MME: variants seen among roughly 807,000 people sequenced by gnomAD.
The protein encoded by MME is membrane metalloendopeptidase, also known as neprilysin.
A neutral mutation model predicts 113.2 loss-of-function variants in MME; 98 were observed. The observed-to-expected ratio is 0.87, with a 90% CI of 0.74 to 1.02. The LOEUF (loss-of-function observed/expected upper bound fraction) is 1.02. MME is among the 50% of genes least tolerant of loss of function. The pLI, the probability that MME is intolerant of heterozygous loss-of-function variation, is 0.00. For missense variants in MME, 836 were observed against 896.0 expected (o/e 0.93, Z 0.86); for synonymous variants, 292 against 300.6 (o/e 0.97, Z 0.30).
chr3:155,073,106 C>T (rs1463222848), intron 1 of MME, among the ~76,000 whole-genome samples: 2 of 152,168 alleles, frequency 1.3e-5, no homozygotes, highest in East Asian at 3.8e-4. Flanking sequence ...TGTGGAATAG[C>T]TTGGTCAATG....
At chr3:155,132,957 C>T (rs887378223) in intron 8 of MME, among the ~76,000 whole-genome samples, 4 of 145,932 alleles carry the variant, frequency 2.7e-5, no homozygotes, top group African/African-American at 7.6e-5. Context: ...AGGAGAATCA[C>T]TTGAACCCAG....
chr3:155,143,699 C>A, intron 13 of MME, 128 bp downstream of exon 13: 2 of 1,069,490 alleles, frequency 1.9e-6, no homozygotes, highest in Non-Finnish European at 1.4e-6. Flanking sequence ...ACCTCTGAAT[C>A]ATAATATGCC....
chr3:155,062,016 C>T (rs1714167015), intron 1 of MME, among the ~76,000 whole-genome samples: 1 of 152,128 alleles, frequency 6.6e-6, no homozygotes, highest in Non-Finnish European at 1.5e-5. Context: ...ATATTATTTG[C>T]AAATAACAGC....
chr3:155,057,340 GA>G lies in MME; in HGVS notation c.-10-26812del, dbSNP rs1352562937. ...ACATTTATGCAGCCAAAAAACACAT[GA>G]AAAAATGCTCATCATCACTGGCCAT... On this transcript the variant is annotated intron_variant, in intron 1 of 22. Coordinates refer to the MME transcript ENST00000492661. 3.3e-5 allele frequency among the ~76,000 whole-genome samples: 5 copies of G among 151,640 alleles called. No homozygotes were observed. The East Asian group carries it at 9.7e-4, about 29-fold the overall frequency.
chr3:155,076,629 G>T (rs113129877), upstream of MME, among the ~76,000 whole-genome samples: 2 of 152,118 alleles, frequency 1.3e-5, no homozygotes, highest in East Asian at 3.8e-4. Flanking sequence ...GAAAGTAAAG[G>T]AATAAAGAAT....
intron 1 of MME, among the ~76,000 whole-genome samples, chr3:155,068,035 A>G (rs1436396606): frequency 2.6e-5 from 4 of 152,244 alleles, no homozygotes; most frequent in Non-Finnish European, 4.4e-5. Flanking sequence ...ACAAATTTCT[A>G]TCAACAAGGG....
Position 155,063,124 on chromosome 3 carries a change from TTATGTTATATAATTA to T in MME, c.-10-21032_-10-21018del, listed in dbSNP as rs892188958. Among the ~76,000 whole-genome samples the T allele has an allele frequency of 9.8e-4, 116 of 118,292 alleles. 1 individual carries two copies. The highest frequency in any genetic ancestry group is 4.2e-3 in the African/African-American group (109 of 25,704). The allele number at this position is 118,292 out of a possible 152,430, so 77.6% of individuals were successfully genotyped here. A position where few individuals can be genotyped will look rare whatever the true frequency, so the allele number is the denominator to read the frequency against. ...AATTATATAAATATATGTTATATAT[TTATGTTATATAATTA>T]TGTTATATATTTATGTTGTATAATT... is the stretch of plus-strand genomic sequence containing the variant. On this transcript the variant is annotated intron_variant, in intron 1 of 22. Coordinates refer to the MME transcript ENST00000492661.
chr3:155,072,283 G>A (rs879909875), intron 1 of MME, among the ~76,000 whole-genome samples: 2 of 151,056 alleles, frequency 1.3e-5, no homozygotes, highest in African/African-American at 4.9e-5. Context: ...GCATTATAAC[G>A]GACACTCCGA....
intron 1 of MME, among the ~76,000 whole-genome samples, chr3:155,042,914 A>ATATATATATATATG (rs1713388858): frequency 2.2e-5 from 1 of 44,710 alleles, no homozygotes; most frequent in Non-Finnish European, 4.0e-5. Flanking sequence ...ATATATATAT[A>ATATATATATATATG]TATATATATA....
intron 15 of MME, among the ~76,000 whole-genome samples, chr3:155,147,746 C>T (rs976693754): frequency 6.6e-6 from 1 of 152,170 alleles, no homozygotes; most frequent in African/African-American, 2.4e-5. Context: ...ATTTCAGACT[C>T]AACTGAAAGT....
At chr3:155,142,378 A>G (rs1721177723) in intron 12 of MME, 48 bp downstream of exon 12, 4 of 1,481,822 alleles carry the variant, frequency 2.7e-6, no homozygotes, top group Non-Finnish European at 3.8e-6. Flanking sequence ...ATAAAGTGAT[A>G]CATGGTTATG....
At chr3:155,179,312 C>T (rs913426472) in intron 22 of MME, among the ~76,000 whole-genome samples, 2 of 152,038 alleles carry the variant, frequency 1.3e-5, no homozygotes, top group East Asian at 1.9e-4. Flanking sequence ...ATCAGGAGGA[C>T]ATTGGAAGCC....
intron 1 of MME, among the ~76,000 whole-genome samples, chr3:155,065,601 A>G (rs993872269): frequency 6.6e-6 from 1 of 152,224 alleles, no homozygotes; most frequent in Admixed American, 6.5e-5. Flanking sequence ...TTGTCTCTTT[A>G]TCTGCTAGTA....
chr3:155,117,328 A>T (rs981856492), intron 7 of MME, among the ~76,000 whole-genome samples: 8 of 152,218 alleles, frequency 5.3e-5, no homozygotes, highest in African/African-American at 1.2e-4. Flanking sequence ...CGTTTATAGA[A>T]GTAATGCAGG....
intron 18 of MME, among the ~76,000 whole-genome samples, chr3:155,167,284 G>A (rs151070994): frequency 1.0e-3 from 157 of 152,210 alleles, no homozygotes; most frequent in African/African-American, 3.3e-3. Context: ...GTTTGTCAGC[G>A]GCAGTGATAA....
chr3:155,161,503 TA>T (rs374375668), intron 17 of MME, among the ~76,000 whole-genome samples: 11 of 151,286 alleles, frequency 7.3e-5, no homozygotes, highest in South Asian at 2.1e-4. Flanking sequence ...TATCATTGGC[TA>T]AAAAAAAACT....
chr3:155,118,790 A>G lies in MME; in HGVS notation c.699A>G (p.Glu233=), dbSNP rs1348989756. The G allele has an allele frequency of 1.9e-6, 3 of 1,602,262 alleles. No individual in the cohort carries two copies. Among genetic ancestry groups the G allele is most frequent in the South Asian group, 2.2e-5 (2 of 90,302 alleles). ...RLGLPSRDYY[E]CTGIYKEACT... Reference sequence around the variant, plus strand: ...GCCTCCCTTCTAGAGATTACTATGAATGCACTGGAATCTATAAAGAGGTAA... The same window carrying G: ...GCCTCCCTTCTAGAGATTACTATGAGTGCACTGGAATCTATAAAGAGGTAA... The change falls in exon 8 of 23, where the codon GAA becomes GAG. Residue 233 remains glutamate (E), a synonymous_variant. Coordinates refer to ENST00000360490, the MANE Select transcript of MME (RefSeq NM_007289.4).
At chr3:155,082,969 G>A (rs1037359328) in intron 1 of MME, among the ~76,000 whole-genome samples, 1 of 152,132 alleles carries the variant, frequency 6.6e-6, no homozygotes, top group Non-Finnish European at 1.5e-5. Flanking sequence ...AATTCTAAGA[G>A]CAATTTGTAT....
At chr3:155,098,221 T>G (rs555747008) in intron 3 of MME, among the ~76,000 whole-genome samples, 1 of 152,184 alleles carries the variant, frequency 6.6e-6, no homozygotes, top group African/African-American at 2.4e-5. Context: ...CACCACAGGA[T>G]GTACACTGGA....
Sources: allele counts gnomAD v4.1 joint callset (sites outside exome capture counted in the v4.1 genomes callset), GRCh38; gene constraint gnomAD v4.1.1; transcripts MANE v1.5; gene names NCBI Gene and HGNC (gene_info 2026-07-23, HGNC 2026-07-21).